Variants in CPNE4 observed in about 807,000 individuals in gnomAD.
CPNE4 encodes copine-4.
Under a neutral mutation model 67.9 loss-of-function variants are expected in CPNE4, and 25 were observed. The ratio of observed to expected loss-of-function variants is 0.37; its 90% CI spans 0.27 to 0.51. The LOEUF is 0.51. Ranked by LOEUF, CPNE4 falls within the 20% of genes least tolerant of loss-of-function variation. CPNE4 has a pLI of 0.93. For synonymous variants in CPNE4, 242 were observed against 244.9 expected (o/e 0.99, Z 0.11); for missense variants, 464 against 690.8 (o/e 0.67, Z 3.68).
intron 1 of CPNE4, among the ~76,000 whole-genome samples, chr3:131,973,245 A>C (rs944137506): frequency 3.3e-5 from 5 of 152,202 alleles, no homozygotes; most frequent in South Asian, 2.1e-4. Context: ...GTGTTCAAAA[A>C]GATTTTTAGG....
chr3:131,817,368 C>T (rs1010587930), intron 2 of CPNE4, among the ~76,000 whole-genome samples: 14 of 152,134 alleles, frequency 9.2e-5, no homozygotes, highest in Admixed American at 2.0e-4. Flanking sequence ...AAGGAAACAA[C>T]GGAAGGCCCT....
chr3:131,769,470 G>C (rs961367967), intron 2 of CPNE4, among the ~76,000 whole-genome samples: 3 of 152,098 alleles, frequency 2.0e-5, no homozygotes, highest in Non-Finnish European at 4.4e-5. Flanking sequence ...AAAGATTCAA[G>C]CATTTTCTTA....
At chr3:131,931,714 A>G (rs1401941247) in intron 1 of CPNE4, among the ~76,000 whole-genome samples, 1 of 152,094 alleles carries the variant, frequency 6.6e-6, no homozygotes, top group African/African-American at 2.4e-5. Context: ...AAATCAGCCT[A>G]AAGTCAGTTG....
At chr3:131,963,150 C>G (rs917904906) in intron 1 of CPNE4, among the ~76,000 whole-genome samples, 2 of 152,034 alleles carry the variant, frequency 1.3e-5, no homozygotes, top group African/African-American at 4.8e-5. Flanking sequence ...GTGCAAGGAG[C>G]TGGGGGAGCC....
rs113343956 is a variant in CPNE4 at position 131,998,259 on chromosome 3, G to C, written c.-2+36308C>G. On this transcript the variant is annotated intron_variant, in intron 1 of 15. Transcript: ENST00000429747. ...ATCCTGGATAACAATCCATGAGCAAGACAAGAAAACCATGGCCAATTGCTG... is the reference window on the plus strand; with the variant it reads ...ATCCTGGATAACAATCCATGAGCAACACAAGAAAACCATGGCCAATTGCTG... Among the ~76,000 whole-genome samples the C allele has an allele frequency of 1.2e-3, 183 of 152,200 alleles. 1 individual carries two copies. The highest frequency in any genetic ancestry group is 4.2e-3 in the African/African-American group (176 of 41,540).
intron 2 of CPNE4, among the ~76,000 whole-genome samples, chr3:131,737,206 C>A (rs1179704417): frequency 6.9e-6 from 1 of 144,788 alleles, no homozygotes; most frequent in Non-Finnish European, 1.5e-5. Context: ...TCACTCTAAC[C>A]TCCGCCTCCC....
At chr3:131,818,018 A>G (rs1013870190) in intron 2 of CPNE4, among the ~76,000 whole-genome samples, 1 of 152,188 alleles carries the variant, frequency 6.6e-6, no homozygotes, top group African/African-American at 2.4e-5. Flanking sequence ...TCAACCACTT[A>G]GGTCTCATAA....
chr3:131,936,260 A>C (rs2071218017), intron 1 of CPNE4, among the ~76,000 whole-genome samples: 1 of 151,992 alleles, frequency 6.6e-6, no homozygotes, highest in African/African-American at 2.4e-5. Context: ...GGAGGGAAAA[A>C]AGTGAATAAA....
chr3:132,015,442 T>C (rs1035087869), intron 1 of CPNE4, among the ~76,000 whole-genome samples: 4 of 152,094 alleles, frequency 2.6e-5, no homozygotes, highest in Non-Finnish European at 5.9e-5. Context: ...AAAGCTCCAA[T>C]AGACTCTAAG....
At chr3:132,009,241 A>C (rs1192967881) in intron 1 of CPNE4, among the ~76,000 whole-genome samples, 1 of 152,166 alleles carries the variant, frequency 6.6e-6, no homozygotes, top group Non-Finnish European at 1.5e-5. Flanking sequence ...GCTTCAAGGC[A>C]CTAGCTCTCT....
At chr3:131,945,328 A>T (rs1167249306) in intron 1 of CPNE4, among the ~76,000 whole-genome samples, 1 of 152,212 alleles carries the variant, frequency 6.6e-6, no homozygotes, top group Non-Finnish European at 1.5e-5. Flanking sequence ...TATGCTGCTC[A>T]AATCTTCCTG....
At position 131,748,501 on chromosome 3, in the gene CPNE4, T is replaced by C. The variant is rs141397637; in HGVS notation, c.181-24876A>G. Reference sequence around the variant, plus strand: ...CCTTTCTTTTATTTTCTAGAAGAGATTGTGTAAATTGGGATTAATTCTTCT... The same window carrying C: ...CCTTTCTTTTATTTTCTAGAAGAGACTGTGTAAATTGGGATTAATTCTTCT... On this transcript the variant is annotated intron_variant, in intron 2 of 15. Transcript: ENST00000429747. Among the ~76,000 whole-genome samples, 1,264 of 152,082 alleles carry C rather than the reference T, an allele frequency of 8.3e-3. 61 individuals carry two copies. Among genetic ancestry groups the C allele is most frequent in the Admixed American group, 0.075 (1,143 of 15,268 alleles).
intron 3 of CPNE4, among the ~76,000 whole-genome samples, chr3:131,706,560 T>G (rs986885798): frequency 1.3e-5 from 2 of 152,100 alleles, no homozygotes; most frequent in Non-Finnish European, 2.9e-5. Flanking sequence ...AAAGTTAACC[T>G]AAGAAAACTA....
chr3:131,724,222 G>C (rs1238668813), intron 2 of CPNE4, among the ~76,000 whole-genome samples: 1 of 152,046 alleles, frequency 6.6e-6, no homozygotes, highest in East Asian at 1.9e-4. Flanking sequence ...AAAACCATGA[G>C]AATAGATAAG....
At chr3:131,930,746 C>A (rs2071038009) in intron 1 of CPNE4, among the ~76,000 whole-genome samples, 1 of 152,048 alleles carries the variant, frequency 6.6e-6, no homozygotes, top group Non-Finnish European at 1.5e-5. Flanking sequence ...TCTCTTTGGG[C>A]CCTCACATAT....
chr3:131,672,276 T>G (rs914509280), intron 6 of CPNE4, among the ~76,000 whole-genome samples: 7 of 152,196 alleles, frequency 4.6e-5, no homozygotes, highest in Non-Finnish European at 1.0e-4. Context: ...TTATGAATAG[T>G]GCTGCAATAA....
chr3:132,014,981 A>T (rs911331379), intron 1 of CPNE4, among the ~76,000 whole-genome samples: 1 of 152,170 alleles, frequency 6.6e-6, no homozygotes, highest in Admixed American at 6.5e-5. Context: ...CTGTTAAATC[A>T]CTTCCAATGA....
At chr3:131,840,523 A>C (rs893617367) in intron 2 of CPNE4, among the ~76,000 whole-genome samples, 1 of 152,208 alleles carries the variant, frequency 6.6e-6, no homozygotes, top group Admixed American at 6.5e-5. Flanking sequence ...TCAAAGCAGC[A>C]AGACAAATAT....
chr3:131,557,519 G>A (rs1936524549), intron 11 of CPNE4, among the ~76,000 whole-genome samples: 1 of 152,038 alleles, frequency 6.6e-6, no homozygotes, highest in African/African-American at 2.4e-5. Context: ...TTGGGGTTAG[G>A]GGCTGGGAGA....
Sources: allele counts gnomAD v4.1 joint callset (sites outside exome capture counted in the v4.1 genomes callset), GRCh38; gene constraint gnomAD v4.1.1; transcripts MANE v1.5; gene names NCBI Gene and HGNC (gene_info 2026-07-23, HGNC 2026-07-21).